ROGDI: variants seen among roughly 807,000 people sequenced by gnomAD.
The protein encoded by ROGDI is protein rogdi homolog.
A neutral mutation model predicts 43.1 loss-of-function variants in ROGDI; 46 were observed. That is an observed-to-expected ratio of 1.07 (90% CI 0.84 to 1.37). The LOEUF is 1.37. Among genes scored for constraint, ROGDI ranks in the 40% most tolerant of loss-of-function variants. ROGDI has a pLI of 0.00. For missense variants in ROGDI, 518 were observed against 383.9 expected, an observed-to-expected ratio of 1.35 and a Z score of -2.92; for synonymous variants, 243 against 162.0, an observed-to-expected ratio of 1.50 and a Z score of -3.80.
intron 5 of ROGDI, among the ~76,000 whole-genome samples, chr16:4,800,057 C>T (rs1285010040): frequency 1.3e-5 from 2 of 152,104 alleles, no homozygotes; most frequent in African/African-American, 2.4e-5. Context: ...GCAAACAGGG[C>T]GACAAGGCAG....
Position 4,797,458 on chromosome 16 carries a change from G to C in ROGDI, c.*2C>G, listed in dbSNP as rs1374290381. On this transcript the variant is annotated 3_prime_UTR_variant, in exon 11 of 11. Transcript: ENST00000322048. ...CTGGAGACAAGCTCCTGGGTGCTGT[G>C]ATCAGAAGGGTCTGTAGCTCCAGTA... 1.9e-6 allele frequency: 3 copies of C among 1,613,078 alleles called. No homozygotes were observed. Among genetic ancestry groups the C allele is most frequent in the Non-Finnish European group, 2.5e-6 (3 of 1,179,410 alleles).
chr16:4,799,683 C>G lies in ROGDI; in HGVS notation c.432+3G>C. On this transcript the variant is annotated splice_donor_region_variant and intron_variant, in intron 6 of 10. Transcript: ENST00000322048. ...CCAGGAGTCAGGCCCGGGGGCAGCT[C>G]ACCTTGAGGACCTCAGCGCCCGTCT... The G allele has an allele frequency of 1.2e-6, 2 of 1,611,082 alleles. No individual in the cohort carries two copies. The highest frequency in any genetic ancestry group is 1.7e-6 in the Non-Finnish European group (2 of 1,178,054).
intron 7 of ROGDI, 128 bp downstream of exon 7, chr16:4,798,441 G>T: frequency 1.2e-6 from 1 of 833,150 alleles, no homozygotes; most frequent in Non-Finnish European, 1.8e-6. Context: ...CCCCATCCCA[G>T]AAACCTGCCT....
rs566626071 is a variant in ROGDI at position 4,798,035 on chromosome 16, T to A, written c.645+36A>T. On this transcript the variant is annotated intron_variant, in intron 8 of 10. Coordinates refer to ENST00000322048, the MANE Select transcript of ROGDI (RefSeq NM_024589.3). The stretch of plus-strand genomic sequence containing the variant: ...CGTCAGGCCTTGCAGGGCGTGTGCA[T>A]GGCGGGCAGTGGGCCGGGCAGGGGT... 3.1e-6 allele frequency: 5 copies of A among 1,613,372 alleles called. No homozygotes were observed. In the South Asian group the frequency reaches 5.5e-5, roughly 18 times the overall value.
At chr16:4,798,323 C>T (rs1046732420) in intron 7 of ROGDI, 139 bp from the exon 8 acceptor site, 1 of 795,520 alleles carries the variant, frequency 1.3e-6, no homozygotes, top group Non-Finnish European at 2.1e-6. Context: ...ATGGGGGCTT[C>T]CAGACTTTTC....
chr16:4,802,309 C>A (rs1217253938), intron 2 of ROGDI, 73 bp downstream of exon 2: 1 of 1,335,390 alleles, frequency 7.5e-7, no homozygotes, highest in East Asian at 2.6e-5. Context: ...CGCAGCCGCG[C>A]GGCCCCAGGT....
intron 4 of ROGDI, chr16:4,800,817 G>C (rs559805960): frequency 1.8e-6 from 1 of 570,326 alleles, no homozygotes; most frequent in African/African-American, 1.9e-5. Context: ...GTGAAGAAAG[G>C]GGAAGGGGAA....
Position 4,798,121 on chromosome 16 carries a change from G to A in ROGDI, c.595C>T (p.Leu199Phe), listed in dbSNP as rs762068973. 1.1e-5 allele frequency: 18 copies of A among 1,613,900 alleles called. No homozygotes were observed. Among genetic ancestry groups the A allele is most frequent in the African/African-American group, 4.0e-5 (3 of 74,914 alleles). ...TGCAGCTGGTACACCGTGAGGCAGA[G>A]CTTGTTGAGGTTGATGTAGACGTTG... ...LVNVYINLNK[L>F]CLTVYQLHAL... is the part of the protein sequence containing the mutation. Residue 199 changes from leucine (L) to phenylalanine (F), a missense_variant, in exon 8 of 11, where the codon CTC becomes TTC. Leu to Phe is a conservative substitution (Grantham distance 22). Coordinates refer to ENST00000322048, the MANE Select transcript of ROGDI (RefSeq NM_024589.3).
In ROGDI at chr16:4,797,788, C is replaced by G. The variant is rs749565672; in HGVS notation, c.748G>C (p.Val250Leu). Reference protein sequence around the residue: ...EVSHVHKVECVIPWLNDALVY... With the variant: ...EVSHVHKVECLIPWLNDALVY... ...AGGGCGTCGTTGAGCCAGGGGATCACGCACTCCACTTTGTGCACGTGGCTC... is the reference window on the plus strand; with the variant it reads ...AGGGCGTCGTTGAGCCAGGGGATCAGGCACTCCACTTTGTGCACGTGGCTC... Residue 250 changes from valine (V) to leucine (L), a missense_variant, in exon 10 of 11, where the codon GTG becomes CTG. Transcript: ENST00000322048. 1.2e-5 allele frequency: 19 copies of G among 1,613,588 alleles called. No homozygotes were observed. The highest frequency in any genetic ancestry group is 1.6e-5 in the Non-Finnish European group (19 of 1,179,950).
chr16:4,799,177 C>T (rs913176325), intron 6 of ROGDI, among the ~76,000 whole-genome samples: 1 of 152,122 alleles, frequency 6.6e-6, no homozygotes, highest in Admixed American at 6.6e-5. Context: ...GCCATTCAGC[C>T]GTGGCCATGA....
chr16:4,797,223 G>A lies in ROGDI; in HGVS notation c.*237C>T, dbSNP rs1487217437. 2 of 505,920 alleles carry A rather than the reference G, an allele frequency of 4.0e-6. No homozygotes were observed. Among genetic ancestry groups the A allele is most frequent in the Admixed American group, 7.3e-5 (2 of 27,460 alleles). 31.3% of individuals were successfully genotyped at this position (505,920 alleles called of 1,614,324 possible). A position where few individuals can be genotyped will look rare whatever the true frequency, so the allele number is the denominator to read the frequency against. ...CATGGTGATCAGAGGGCGGTGTTGGGAATGTGGGACACCCTTGGCCCCGCC... is the reference window on the plus strand; with the variant it reads ...CATGGTGATCAGAGGGCGGTGTTGGAAATGTGGGACACCCTTGGCCCCGCC... On this transcript the variant is annotated 3_prime_UTR_variant, in exon 11 of 11. Transcript: ENST00000322048.
intron 4 of ROGDI, chr16:4,800,889 C>T: frequency 2.0e-6 from 1 of 501,892 alleles, no homozygotes; most frequent in Non-Finnish European, 3.5e-6. Flanking sequence ...CTACAAAGGG[C>T]AACAGATGGA....
chr16:4,802,291 G>T (rs1422029414), intron 2 of ROGDI, 91 bp downstream of exon 2: 4 of 1,211,284 alleles, frequency 3.3e-6, no homozygotes, highest in Non-Finnish European at 4.6e-6. Context: ...CACTGTAGGC[G>T]CTCAGGACGC....
At chr16:4,801,983 C>T (rs768349533) in intron 2 of ROGDI, 3 of 579,902 alleles carry the variant, frequency 5.2e-6, no homozygotes, top group South Asian at 3.1e-5. Context: ...TTTATCTACA[C>T]CCCAGCCTCG....
rs2082749360 is a variant in ROGDI at position 4,802,632 on chromosome 16, C to G, written c.-61G>C. ...CCGCTGCTCCTGTCCACCAATCTTT[C>G]TGTCCTCGGTCCTCCGGTCCTCCCG... On this transcript the variant is annotated 5_prime_UTR_variant, in exon 1 of 11. Transcript: ENST00000322048. The G allele has an allele frequency of 2.4e-6, 3 of 1,267,214 alleles. No individual in the cohort carries two copies. The highest frequency in any genetic ancestry group is 1.6e-5 in the African/African-American group (1 of 64,456). 78.5% of individuals were successfully genotyped at this position (1,267,214 alleles called of 1,614,324 possible). A position where few individuals can be genotyped will look rare whatever the true frequency, so the allele number is the denominator to read the frequency against.
At chr16:4,801,698 C>A in intron 2 of ROGDI, 113 bp from the exon 3 acceptor site, 1 of 986,202 alleles carries the variant, frequency 1.0e-6, no homozygotes, top group South Asian at 1.4e-5. Context: ...ACAACGTGGC[C>A]TGGCCTCACC....
intron 3 of ROGDI, 43 bp from the exon 4 acceptor site, chr16:4,801,364 C>CA (rs2082715410): frequency 6.3e-7 from 1 of 1,585,630 alleles, no homozygotes. Flanking sequence ...GTCACCCCCC[C>CA]ACCACCCAGC....
rs1377601382 is a variant in ROGDI, at chr16:4,797,010, G to A, written c.*450C>T. On this transcript the variant is annotated 3_prime_UTR_variant, in exon 11 of 11. Transcript: ENST00000322048. ...TATTTCTTAGACAGCCCTGGACTGG[G>A]GCTATGAAACACAGTCACCAGCACT... The A allele has an allele frequency of 3.1e-5, 5 of 163,432 alleles. No individual in the cohort carries two copies. Among genetic ancestry groups the A allele is most frequent in the Admixed American group, 2.3e-4 (4 of 17,506 alleles). 10.1% of individuals were successfully genotyped at this position (163,432 alleles called of 1,614,324 possible). A position where few individuals can be genotyped will look rare whatever the true frequency, so the allele number is the denominator to read the frequency against.
At chr16:4,801,717 G>C (rs2082724098) in intron 2 of ROGDI, 132 bp from the exon 3 acceptor site, 2 of 818,132 alleles carry the variant, frequency 2.4e-6, no homozygotes, top group Non-Finnish European at 3.9e-6. Context: ...CCTGGGTTCA[G>C]CTGGGGTGGG....
Sources: allele counts gnomAD v4.1 joint callset (sites outside exome capture counted in the v4.1 genomes callset), GRCh38; gene constraint gnomAD v4.1.1; transcripts MANE v1.5; gene names NCBI Gene and HGNC (gene_info 2026-07-23, HGNC 2026-07-21).